The following DOK6 variants were observed in gnomAD, a reference collection of about 807,000 sequenced individuals.
DOK6 encodes the protein downstream of tyrosine kinase 6.
DOK6 carries 22 observed loss-of-function variants against 44.0 expected under a neutral mutation model. The observed-to-expected ratio is 0.50, with a 90% confidence interval of 0.36 to 0.71. The LOEUF (loss-of-function observed/expected upper bound fraction) is 0.71, where lower values mean the gene tolerates loss of function less well. Ranked by LOEUF, DOK6 falls within the 30% of genes least tolerant of loss-of-function variation. The pLI, the probability that DOK6 is intolerant of heterozygous loss-of-function variation, is 0.00. For missense variants in DOK6, 340 were observed against 416.4 expected (o/e 0.82, Z 1.60); for synonymous variants, 166 against 145.5 (o/e 1.14, Z -1.01).
chr18:69,524,914 C>T (rs1444774238), intron 1 of DOK6, among the ~76,000 whole-genome samples: 2 of 151,616 alleles, frequency 1.3e-5, no homozygotes, highest in African/African-American at 4.8e-5. Flanking sequence ...GCTATGCTTG[C>T]AAATTCACTG....
chr18:69,806,612 AT>A, intron 7 of DOK6, among the ~76,000 whole-genome samples: 1 of 151,962 alleles, frequency 6.6e-6, no homozygotes, highest in East Asian at 1.9e-4. Flanking sequence ...ATGCATTTTG[AT>A]TTAATTTTCT....
intron 7 of DOK6, among the ~76,000 whole-genome samples, chr18:69,792,975 C>T (rs1287684756): frequency 6.6e-6 from 1 of 152,018 alleles, no homozygotes; most frequent in Non-Finnish European, 1.5e-5. Flanking sequence ...AACTTAGTGA[C>T]AAAATGCATT....
At chr18:69,505,643 G>A (rs1452393723) in intron 1 of DOK6, among the ~76,000 whole-genome samples, 4 of 151,378 alleles carry the variant, frequency 2.6e-5, no homozygotes, top group South Asian at 2.1e-4. Flanking sequence ...GACTACAGGC[G>A]CCCACCACCA....
At chr18:69,705,042 T>A (rs1021684254) in intron 5 of DOK6, 1 of 152,260 alleles carries the variant, frequency 6.6e-6, no homozygotes, top group Non-Finnish European at 1.5e-5. Context: ...TTCTGCTCTT[T>A]GGGAAGAACG....
At chr18:69,607,321 A>C (rs1408026520) in intron 3 of DOK6, among the ~76,000 whole-genome samples, 1 of 139,276 alleles carries the variant, frequency 7.2e-6, no homozygotes, top group African/African-American at 2.7e-5. Context: ...AAGCCAGCAT[A>C]GTAACATCTG....
At chr18:69,436,592 C>T (rs566632839) in intron 1 of DOK6, among the ~76,000 whole-genome samples, 2 of 152,262 alleles carry the variant, frequency 1.3e-5, no homozygotes, top group East Asian at 3.9e-4. Flanking sequence ...CAAGTCTTTG[C>T]TATTGTGAAC....
chr18:69,477,350 C>A (rs1298992007), intron 1 of DOK6, among the ~76,000 whole-genome samples: 1 of 152,134 alleles, frequency 6.6e-6, no homozygotes, highest in Non-Finnish European at 1.5e-5. Context: ...TACCTGGGAG[C>A]AAGTAGTCCT....
At chr18:69,582,504 A>G (rs2144610854) in intron 2 of DOK6, among the ~76,000 whole-genome samples, 1 of 152,150 alleles carries the variant, frequency 6.6e-6, no homozygotes, top group East Asian at 1.9e-4. Context: ...TAATGACTGT[A>G]CAAATACTCT....
chr18:69,774,948 A>G (rs368896162), intron 7 of DOK6, among the ~76,000 whole-genome samples: 1 of 152,112 alleles, frequency 6.6e-6, no homozygotes, highest in Non-Finnish European at 1.5e-5. Context: ...ATGCAAAAGG[A>G]AGTTTTAAAA....
chr18:69,736,333 G>T (rs1978606422), intron 5 of DOK6, among the ~76,000 whole-genome samples: 1 of 151,876 alleles, frequency 6.6e-6, no homozygotes, highest in African/African-American at 2.4e-5. Context: ...CAAAAACAAA[G>T]AAAATTCTGG....
chr18:69,746,245 C>A (rs1031790248), intron 6 of DOK6, among the ~76,000 whole-genome samples: 16 of 152,100 alleles, frequency 1.1e-4, no homozygotes, highest in African/African-American at 3.6e-4. Context: ...TTGGTCCATA[C>A]ATGATTTTAT....
intron 7 of DOK6, among the ~76,000 whole-genome samples, chr18:69,816,626 A>T (rs1214675118): frequency 6.6e-6 from 1 of 152,224 alleles, no homozygotes; most frequent in Non-Finnish European, 1.5e-5. Context: ...GCCATGAAGT[A>T]GGTATTATTA....
At chr18:69,830,836 A>G (rs1373313490) in intron 7 of DOK6, among the ~76,000 whole-genome samples, 1 of 152,178 alleles carries the variant, frequency 6.6e-6, no homozygotes, top group African/African-American at 2.4e-5. Context: ...GAACATGTTC[A>G]GGGCAATGCT....
intron 2 of DOK6, among the ~76,000 whole-genome samples, chr18:69,572,115 A>G (rs565480635): frequency 2.6e-5 from 4 of 152,174 alleles, no homozygotes; most frequent in East Asian, 1.9e-4. Flanking sequence ...AAGGAGCAAT[A>G]TGCAAAAGGG....
At chr18:69,690,152 AAG>A (rs918311913) in intron 4 of DOK6, among the ~76,000 whole-genome samples, 2 of 152,156 alleles carry the variant, frequency 1.3e-5, no homozygotes, top group African/African-American at 4.8e-5. Flanking sequence ...TAAAGCAAAA[AAG>A]AAATTTCTGG....
intron 1 of DOK6, among the ~76,000 whole-genome samples, chr18:69,528,109 T>G (rs538971097): frequency 1.4e-4 from 20 of 140,702 alleles, no homozygotes; most frequent in East Asian, 2.1e-4. Context: ...CTTGCAGTGA[T>G]CCGAGATAGT....
At chr18:69,839,536 C>G (rs991223123) in intron 7 of DOK6, among the ~76,000 whole-genome samples, 9 of 152,198 alleles carry the variant, frequency 5.9e-5, no homozygotes, top group Admixed American at 1.3e-4. Context: ...TTTTCCTTCA[C>G]TATATCATCA....
chr18:69,831,921 C>T (rs1199907528), intron 7 of DOK6, among the ~76,000 whole-genome samples: 1 of 152,140 alleles, frequency 6.6e-6, no homozygotes, highest in Admixed American at 6.5e-5. Flanking sequence ...TATGTACCAC[C>T]TCTAAGAGTT....
chr18:69,482,754 T>C (rs1164199619), intron 1 of DOK6, among the ~76,000 whole-genome samples: 1 of 151,868 alleles, frequency 6.6e-6, no homozygotes, highest in African/African-American at 2.4e-5. Flanking sequence ...AAAATTATTC[T>C]ATAAAATAAG....
Sources: allele counts gnomAD v4.1 joint callset (sites outside exome capture counted in the v4.1 genomes callset), GRCh38; gene constraint gnomAD v4.1.1; transcripts MANE v1.5; gene names NCBI Gene and HGNC (gene_info 2026-07-23, HGNC 2026-07-21).